ARHGEF4: variants seen among roughly 807,000 people sequenced by gnomAD.
The protein encoded by ARHGEF4 is APC-stimulated guanine nucleotide exchange factor 1.
In ARHGEF4, 119 loss-of-function variants were observed where a neutral mutation model predicts 162.0. The observed-to-expected ratio is 0.73, with a 90% CI of 0.63 to 0.86. The LOEUF (loss-of-function observed/expected upper bound fraction) is 0.86. ARHGEF4 is among the 40% of genes least tolerant of loss of function. ARHGEF4 has a pLI of 0.00. For missense variants in ARHGEF4, 2,488 were observed against 2,456.0 expected (o/e 1.01, Z -0.28); for synonymous variants, 1,014 against 979.9 (o/e 1.03, Z -0.65).
At chr2:131,034,839 G>T (rs1482514868) in intron 5 of ARHGEF4, 2 of 270,022 alleles carry the variant, frequency 7.4e-6, no homozygotes, top group East Asian at 1.8e-4. Context: ...CGCAGCGCAC[G>T]CCCGAGCCGC....
chr2:130,887,130 C>A (rs542472353), intron 1 of ARHGEF4, among the ~76,000 whole-genome samples: 1 of 151,988 alleles, frequency 6.6e-6, no homozygotes, highest in South Asian at 2.1e-4. Flanking sequence ...AAGATATTTG[C>A]ATTTCTATAT....
At chr2:130,879,373 T>C (rs1679054314) in intron 1 of ARHGEF4, among the ~76,000 whole-genome samples, 1 of 152,360 alleles carries the variant, frequency 6.6e-6, no homozygotes, top group Non-Finnish European at 1.5e-5. Context: ...TTTTGATATA[T>C]GTATACATTG....
intron 4 of ARHGEF4, among the ~76,000 whole-genome samples, chr2:130,987,781 T>G (rs192195542): frequency 2.4e-4 from 36 of 152,246 alleles, no homozygotes; most frequent in African/African-American, 8.2e-4. Context: ...GGCTGTGGGA[T>G]TGTCATGGAA....
chr2:130,997,925 C>T (rs919589907), intron 4 of ARHGEF4, among the ~76,000 whole-genome samples: 7 of 151,788 alleles, frequency 4.6e-5, no homozygotes, highest in African/African-American at 1.5e-4. Context: ...AACACACAGA[C>T]GCACACCTCC....
intron 1 of ARHGEF4, among the ~76,000 whole-genome samples, chr2:130,865,703 G>GT (rs976495336): frequency 1.5e-4 from 21 of 143,550 alleles, no homozygotes; most frequent in African/African-American, 6.0e-4. Flanking sequence ...TCAAAGATAG[G>GT]TTTTGTTTGT....
chr2:130,898,580 G>A (rs1182482248), intron 1 of ARHGEF4, among the ~76,000 whole-genome samples: 2 of 152,160 alleles, frequency 1.3e-5, no homozygotes, highest in African/African-American at 2.4e-5. Flanking sequence ...CTGCTAGGTT[G>A]CCCAGAGGAT....
At chr2:130,867,378 C>T (rs1682362677) in intron 1 of ARHGEF4, among the ~76,000 whole-genome samples, 1 of 151,864 alleles carries the variant, frequency 6.6e-6, no homozygotes, top group Non-Finnish European at 1.5e-5. Context: ...ACTGGGATTA[C>T]AGGTGCGTGC....
intron 5 of ARHGEF4, chr2:131,035,475 T>TG (rs1448883682): frequency 1.0e-5 from 1 of 95,526 alleles, no homozygotes; most frequent in Non-Finnish European, 1.5e-5. Context: ...CTGTGCCCTG[T>TG]GGGGAGTGGG....
chr2:130,933,095 C>CA (rs532650080), intron 3 of ARHGEF4, among the ~76,000 whole-genome samples: 29 of 152,066 alleles, frequency 1.9e-4, no homozygotes, highest in African/African-American at 6.5e-4. Context: ...CGCACCTGTA[C>CA]TCCCAGCTAC....
chr2:130,956,049 C>A (rs575328913), intron 4 of ARHGEF4, among the ~76,000 whole-genome samples: 6 of 152,342 alleles, frequency 3.9e-5, no homozygotes, highest in African/African-American at 7.2e-5. Context: ...GGAGGGAGAG[C>A]AGTAGCCTAA....
intron 3 of ARHGEF4, among the ~76,000 whole-genome samples, chr2:130,935,881 A>C (rs1426589224): frequency 3.3e-5 from 5 of 152,212 alleles, no homozygotes; most frequent in African/African-American, 1.2e-4. Context: ...AGCCTGACCA[A>C]CCTGGTGAAA....
rs370443864 is a variant in ARHGEF4 at position 131,044,473 on chromosome 2, G to A, written c.5332G>A (p.Glu1778Lys). The A allele has an allele frequency of 3.0e-5, 46 of 1,553,860 alleles. No individual in the cohort carries two copies. The highest frequency in any genetic ancestry group is 1.7e-4 in the Middle Eastern group (1 of 6,020). ...CCACCTGCTGTGCACCAGGAAGCCCGAGCAGAAGCAGCGCTGGCTCAAGGC... is the reference window on the plus strand; with the variant it reads ...CCACCTGCTGTGCACCAGGAAGCCCAAGCAGAAGCAGCGCTGGCTCAAGGC... Reference protein sequence around the residue: ...DSHLLCTRKPEQKQRWLKAFA... With the variant: ...DSHLLCTRKPKQKQRWLKAFA... The change falls in exon 12 of 14, where the codon GAG becomes AAG. Residue 1778 changes from glutamate to lysine, a missense_variant. By Grantham distance (56) the Glu-to-Lys change is moderately conservative (BLOSUM62 1). Coordinates refer to ENST00000409359, the MANE Select transcript of ARHGEF4 (RefSeq NM_001367493.1).
chr2:131,041,276 A>G lies in ARHGEF4; in HGVS notation c.4709A>G (p.Asn1570Ser), dbSNP rs149880141. ...TCGGAGTACTGCAATAACCACCCCA[A>G]CGCCTGCGTGGAGCTCTCCCGGCTC... ...IYSEYCNNHP[N>S]ACVELSRLTK... is the part of the protein sequence containing the mutation. Residue 1570 changes from asparagine to serine, a missense_variant, in exon 9 of 14, where the codon AAC becomes AGC. By Grantham distance (46) the Asn-to-Ser change is conservative. This residue lies in a region of ARHGEF4 where 415 missense variants were observed against 512.4 expected (regional missense o/e 0.81). Coordinates refer to ENST00000409359, the MANE Select transcript of ARHGEF4 (RefSeq NM_001367493.1). 2.5e-6 allele frequency: 4 copies of G among 1,613,586 alleles called. No individual in the cohort carries two copies. Among genetic ancestry groups the G allele is most frequent in the Non-Finnish European group, 3.4e-6 (4 of 1,179,970 alleles).
At chr2:130,871,386 A>C (rs948668246) in intron 1 of ARHGEF4, among the ~76,000 whole-genome samples, 5 of 151,940 alleles carry the variant, frequency 3.3e-5, no homozygotes, top group Non-Finnish European at 4.4e-5. Context: ...AAATACAAAA[A>C]TTAGCCAGGC....
At chr2:131,039,822 G>T in intron 6 of ARHGEF4, 194 bp from the exon 7 acceptor site, 1 of 1,410,354 alleles carries the variant, frequency 7.1e-7, no homozygotes, top group African/African-American at 1.5e-5. Flanking sequence ...GCGGCTGCGG[G>T]CGTCGGAGTC....
At chr2:130,907,627 G>A (rs1172461770) in intron 1 of ARHGEF4, among the ~76,000 whole-genome samples, 1 of 151,992 alleles carries the variant, frequency 6.6e-6, no homozygotes, top group Non-Finnish European at 1.5e-5. Flanking sequence ...TCTGATTGTG[G>A]AGATTATGAC....
chr2:130,942,724 C>A (rs555888885), intron 3 of ARHGEF4, among the ~76,000 whole-genome samples: 21 of 152,130 alleles, frequency 1.4e-4, no homozygotes, highest in South Asian at 1.0e-3. Flanking sequence ...ATTAGGATTT[C>A]GTTTTTAAGA....
rs541108227 is a variant in ARHGEF4 at position 130,887,023 on chromosome 2, T to C, written c.40-26963T>C. Among the ~76,000 whole-genome samples the C allele has an allele frequency of 9.9e-4, 150 of 152,236 alleles. 6 individuals are homozygous for C. Among genetic ancestry groups the C allele is most frequent in the African/African-American group, 3.4e-3 (143 of 41,450 alleles). On this transcript the variant is annotated intron_variant, in intron 1 of 13. Transcript: ENST00000409359. ...ATCCTTACACCAATGTCACACTATC[T>C]TGATTACTGTCACTTTATAGTCTTA...
chr2:131,000,229 A>G (rs567077242), intron 4 of ARHGEF4, among the ~76,000 whole-genome samples: 1 of 152,236 alleles, frequency 6.6e-6, no homozygotes, highest in East Asian at 1.9e-4. Context: ...TCTTTTGTCT[A>G]TTATTGTGGT....
Sources: gnomAD v4.1 joint callset for allele counts (sites outside exome capture counted in the v4.1 genomes callset) on GRCh38, gnomAD v4.1.1 for gene constraint, gnomAD v4.1.1 regional missense constraint, MANE v1.5 for transcripts, NCBI Gene and HGNC (gene_info 2026-07-23, HGNC 2026-07-21) for gene names.